CLDN15: variants seen among roughly 807,000 people sequenced by gnomAD.
The protein encoded by CLDN15 is claudin-15.
A neutral mutation model predicts 24.5 loss-of-function variants in CLDN15; 9 were observed. The ratio of observed to expected loss-of-function variants is 0.37; its 90% CI spans 0.22 to 0.64. CLDN15 has a LOEUF of 0.64. CLDN15 is among the 30% of genes least tolerant of loss of function. The pLI, the probability that CLDN15 is intolerant of heterozygous loss-of-function variation, is 0.63. For missense variants in CLDN15, 248 were observed against 305.9 expected (o/e 0.81, Z 1.41); for synonymous variants, 149 against 131.4 (o/e 1.13, Z -0.92).
Position 101,237,296 on chromosome 7 carries a change from C to A in CLDN15, c.217+69G>T. 9.8e-7 allele frequency: 1 copy of A among 1,025,430 alleles called. No individual in the cohort carries two copies. The highest frequency in any genetic ancestry group is 1.5e-6 in the Non-Finnish European group (1 of 667,928). The allele number at this position is 1,025,430 out of a possible 1,614,324, so 63.5% of individuals were successfully genotyped here. ...GCTCCCTGCATCCTCACGGAAGTAC[C>A]CGCCCTCCCCTGGGGTCTCTGCAGC... is the stretch of plus-strand genomic sequence containing the variant. On this transcript the variant is annotated intron_variant, in intron 1 of 4. Transcript: ENST00000308344. This position sits in a 1 kb window ranked among gnomAD's most constrained non-coding sequence, Gnocchi z 4.0.
chr7:101,234,181 T>C (rs1798578848), intron 2 of CLDN15, 97 bp downstream of exon 2: 7 of 984,808 alleles, frequency 7.1e-6, no homozygotes, highest in African/African-American at 3.2e-5. Context: ...GAGGTGAGCA[T>C]GAGGAGTGGG....
At position 101,237,603 on chromosome 7, in the gene CLDN15, G is replaced by GCACCA; in HGVS notation, c.-23_-22insTGGTG. 6.3e-7 allele frequency: 1 copy of GCACCA among 1,590,958 alleles called. No homozygotes were observed. The highest frequency in any genetic ancestry group is 8.6e-7 in the Non-Finnish European group (1 of 1,159,540). On this transcript the variant is annotated 5_prime_UTR_variant, in exon 1 of 5. Transcript: ENST00000308344. The surrounding 1 kb of genome is among the most constrained non-coding windows in gnomAD (Gnocchi z 4.0). ...ACATGGTGGGATGCAGGACCCTGGG[G>GCACCA]GGCTGGTGCCCCAGAGAGGGGGAGG... is the stretch of plus-strand genomic sequence containing the variant.
chr7:101,232,262 A>AGGGGCCTG lies in CLDN15; in HGVS notation c.*147_*148insCAGGCCCC. 1.7e-6 allele frequency: 1 copy of AGGGGCCTG among 599,712 alleles called. No homozygotes were observed. Among genetic ancestry groups the AGGGGCCTG allele is most frequent in the Non-Finnish European group, 3.0e-6 (1 of 338,648 alleles). 37.1% of individuals were successfully genotyped at this position (599,712 alleles called of 1,614,324 possible). A position where few individuals can be genotyped will look rare whatever the true frequency, so the allele number is the denominator to read the frequency against. On this transcript the variant is annotated 3_prime_UTR_variant, in exon 5 of 5. Coordinates refer to ENST00000308344, the MANE Select transcript of CLDN15 (RefSeq NM_014343.3). The stretch of plus-strand genomic sequence containing the variant: ...CAGTTCTTGGCCTGGAGGGGCCATG[A>AGGGGCCTG]GAGTGCAAGACACGGGGCCGTGGCC...
At chr7:101,236,632 G>C in intron 1 of CLDN15, 1 of 731,068 alleles carries the variant, frequency 1.4e-6, no homozygotes, top group Non-Finnish European at 2.0e-6. Context: ...TCTTAGCGGG[G>C]AGCAGGGAGC....
intron 1 of CLDN15, among the ~76,000 whole-genome samples, chr7:101,235,760 C>A (rs575804647): frequency 9.9e-5 from 15 of 152,198 alleles, no homozygotes; most frequent in African/African-American, 3.6e-4. Flanking sequence ...GGGGCTGACA[C>A]GAGTCTGAGT....
intron 2 of CLDN15, among the ~76,000 whole-genome samples, chr7:101,233,509 C>T (rs1262944460): frequency 6.6e-6 from 1 of 152,178 alleles, no homozygotes; most frequent in East Asian, 1.9e-4. Context: ...AAAGCAATGG[C>T]CAGATGGCAT....
chr7:101,234,369 T>G lies in CLDN15; in HGVS notation c.291A>C (p.Ile97=). Residue 97 remains isoleucine, a synonymous_variant, in exon 2 of 5, where the codon ATA becomes ATC. Coordinates refer to ENST00000308344, the MANE Select transcript of CLDN15 (RefSeq NM_014343.3). Reference sequence around the variant, plus strand: ...CAATGTTGGTGCAGCGCAGGCCCGCTATGCCTAGCAAGAGGCCGAGGAAGC... The same window carrying G: ...CAATGTTGGTGCAGCGCAGGCCCGCGATGCCTAGCAAGAGGCCGAGGAAGC... The part of the protein sequence containing the change: ...LLGFLGLLLG[I]AGLRCTNIGG... 6.2e-7 allele frequency: 1 copy of G among 1,613,022 alleles called. No homozygotes were observed. The highest frequency in any genetic ancestry group is 8.5e-7 in the Non-Finnish European group (1 of 1,179,472).
rs778760634 is a variant in CLDN15 at position 101,237,618 on chromosome 7, A to G, written c.-37T>C. 2 of 1,501,270 alleles carry G rather than the reference A, an allele frequency of 1.3e-6. No homozygotes were observed. The highest frequency in any genetic ancestry group is 1.9e-6 in the Non-Finnish European group (2 of 1,078,886). 93.0% of individuals were successfully genotyped at this position (1,501,270 alleles called of 1,614,324 possible). ...GGACCCTGGGGGGCTGGTGCCCCAG[A>G]GAGGGGGAGGGGCAGAACCCCTAGG... On this transcript the variant is annotated 5_prime_UTR_variant, in exon 1 of 5. Coordinates refer to ENST00000308344, the MANE Select transcript of CLDN15 (RefSeq NM_014343.3). This position sits in a 1 kb window ranked among gnomAD's most constrained non-coding sequence, Gnocchi z 4.0.
At chr7:101,233,436 A>G (rs1387867040) in intron 2 of CLDN15, among the ~76,000 whole-genome samples, 2 of 152,174 alleles carry the variant, frequency 1.3e-5, no homozygotes, top group Non-Finnish European at 2.9e-5. Context: ...AAAACAAGCA[A>G]TACCCACCCT....
Position 101,232,703 on chromosome 7 carries a change from G to T in CLDN15, c.482C>A (p.Ala161Asp). ...TGAGGCGCTCCACCCCAGGTAGAGG[G>T]CGGGGCCCAGCTCGTACCTGCGCAC... The part of the protein sequence containing the change: ...YPGTKYELGP[A>D]LYLGWSASLI... The change falls in exon 4 of 5, where the codon GCC becomes GAC. Residue 161 changes from alanine (A) to aspartate (D), a missense_variant. Physicochemically the swap from Ala to Asp is moderately radical, Grantham distance 126 (BLOSUM62 -2). Coordinates refer to ENST00000308344, the MANE Select transcript of CLDN15 (RefSeq NM_014343.3). 1 of 1,595,018 alleles carries T rather than the reference G, an allele frequency of 6.3e-7. No homozygotes were observed. The highest frequency in any genetic ancestry group is 8.5e-7 in the Non-Finnish European group (1 of 1,171,278).
At chr7:101,233,764 A>ATTTTTTTTTT (rs746861741) in intron 2 of CLDN15, 7 of 88,496 alleles carry the variant, frequency 7.9e-5, no homozygotes, top group South Asian at 2.9e-4. Context: ...CGCCTGGCTA[A>ATTTTTTTTTT]TTTTTTTTTT....
At chr7:101,233,764 ATTTT>A (rs746861741) in intron 2 of CLDN15, 102 of 88,530 alleles carry the variant, frequency 1.2e-3, no homozygotes, top group African/African-American at 1.5e-3. Flanking sequence ...CGCCTGGCTA[ATTTT>A]TTTTTTTTTT....
At chr7:101,236,769 C>T (rs28429010) in intron 1 of CLDN15, 1 of 1,291,340 alleles carries the variant, frequency 7.7e-7, no homozygotes. Context: ...CGCCTCCTTA[C>T]AGCGGACGCT....
intron 2 of CLDN15, 95 bp from the exon 3 acceptor site, chr7:101,233,009 G>C: frequency 1.2e-6 from 1 of 824,912 alleles, no homozygotes; most frequent in South Asian, 1.4e-5. Context: ...CCCAGAGTAG[G>C]ACGGGGGCAC....
chr7:101,236,877 T>A, intron 1 of CLDN15: 1 of 1,208,094 alleles, frequency 8.3e-7, no homozygotes, highest in Non-Finnish European at 1.1e-6. Context: ...GGCTGGGGAG[T>A]CTGTGGAGCC....
intron 1 of CLDN15, among the ~76,000 whole-genome samples, chr7:101,236,225 G>A (rs1362028643): frequency 6.6e-6 from 1 of 152,000 alleles, no homozygotes; most frequent in East Asian, 1.9e-4. Context: ...TGGGGTTCTG[G>A]CCCAAGTTGT....
At chr7:101,233,910 C>T in intron 2 of CLDN15, 1 of 382,674 alleles carries the variant, frequency 2.6e-6, no homozygotes, top group South Asian at 2.0e-5. Context: ...AGGCATGAGC[C>T]ACCATGCCCC....
At position 101,232,368 on chromosome 7, in the gene CLDN15, T is replaced by C; in HGVS notation, c.*42A>G. 2 of 1,434,836 alleles carry C rather than the reference T, an allele frequency of 1.4e-6. No individual in the cohort carries two copies. The highest frequency in any genetic ancestry group is 2.0e-6 in the Non-Finnish European group (2 of 1,022,782). The allele number at this position is 1,434,836 out of a possible 1,614,324, so 88.9% of individuals were successfully genotyped here. A position where few individuals can be genotyped will look rare whatever the true frequency, so the allele number is the denominator to read the frequency against. ...TGGGCCCCGGCCAGGTCCCCTCTCC[T>C]TGGGGCAGTGGGAAGACAGCGGGGC... On this transcript the variant is annotated 3_prime_UTR_variant, in exon 5 of 5. Transcript: ENST00000308344.
At chr7:101,234,522 G>T in intron 1 of CLDN15, 80 bp from the exon 2 acceptor site, 1 of 999,834 alleles carries the variant, frequency 1.0e-6, no homozygotes, top group African/African-American at 1.6e-5. Flanking sequence ...ACCATCCCAG[G>T]TTCAAGTGAT....
Sources: gnomAD v4.1 joint callset for allele counts (sites outside exome capture counted in the v4.1 genomes callset) on GRCh38, gnomAD v4.1.1 for gene constraint, Gnocchi (gnomAD v3.1) non-coding constraint, MANE v1.5 for transcripts, NCBI Gene and HGNC (gene_info 2026-07-23, HGNC 2026-07-21) for gene names.